Variants in ITGA7 observed in about 807,000 individuals in gnomAD.
ITGA7 encodes integrin alpha-7.
In ITGA7, 84 loss-of-function variants were observed where a neutral mutation model predicts 131.6. The ratio of observed to expected loss-of-function variants is 0.64; its 90% CI spans 0.54 to 0.77. The LOEUF (loss-of-function observed/expected upper bound fraction) is 0.77, where lower values mean the gene tolerates loss of function less well. Ranked by LOEUF, ITGA7 falls within the 30% of genes least tolerant of loss-of-function variation. ITGA7 has a pLI of 0.00. For missense variants in ITGA7, 1,399 were observed against 1,482.9 expected (o/e 0.94, Z 0.93); for synonymous variants, 548 against 600.7 (o/e 0.91, Z 1.28).
At position 55,684,786 on chromosome 12, in the gene ITGA7, C is replaced by T. The variant is rs1053786977; in HGVS notation, c.*272G>A. ...AATGGGAGAGGAAGGGATTAGGATC[C>T]CTTCTCCCCACCTTTGCATCAGGAC... On this transcript the variant is annotated 3_prime_UTR_variant, in exon 25 of 25. Coordinates refer to ENST00000257879, the MANE Select transcript of ITGA7 (RefSeq NM_002206.3). 6.3e-6 allele frequency: 3 copies of T among 479,796 alleles called. No individual in the cohort carries two copies. Among genetic ancestry groups the T allele is most frequent in the African/African-American group, 5.8e-5 (3 of 51,916 alleles). 29.7% of individuals were successfully genotyped at this position (479,796 alleles called of 1,614,324 possible). A position where few individuals can be genotyped will look rare whatever the true frequency, so the allele number is the denominator to read the frequency against.
rs1045615147 is a variant in ITGA7 at position 55,697,499 on chromosome 12, C to T, written c.1457G>A (p.Arg486Gln). Residue 486 changes from arginine to glutamine, a missense_variant, in exon 10 of 25, where the codon CGA becomes CAA. Physicochemically the swap from Arg to Gln is conservative, Grantham distance 43. Coordinates refer to ENST00000257879, the MANE Select transcript of ITGA7 (RefSeq NM_002206.3). ...GTTGGGCTGCTCCAGGTCGATGCTT[C>T]GTGGAGCAATAGAGACCTCATGGGA... is the stretch of plus-strand genomic sequence containing the variant. The part of the protein sequence containing the change: ...HVSHEVSIAP[R>Q]SIDLEQPNCA... 1.2e-6 allele frequency: 2 copies of T among 1,614,126 alleles called. No individual in the cohort carries two copies. The highest frequency in any genetic ancestry group is 1.7e-5 in the Admixed American group (1 of 60,030).
At chr12:55,704,222 G>T (rs970122715) in intron 1 of ITGA7, among the ~76,000 whole-genome samples, 1 of 152,198 alleles carries the variant, frequency 6.6e-6, no homozygotes, top group African/African-American at 2.4e-5. Context: ...CTTCCTGGGG[G>T]GCAAGGCCCA....
Position 55,699,851 on chromosome 12 carries a change from G to C in ITGA7, c.790+19C>G. 6.3e-7 allele frequency: 1 copy of C among 1,594,630 alleles called. No individual in the cohort carries two copies. The highest frequency in any genetic ancestry group is 8.5e-7 in the Non-Finnish European group (1 of 1,171,330). On this transcript the variant is annotated intron_variant, in intron 5 of 24. Transcript: ENST00000257879. ...GCTGGGCCATGCCCCTAGAGTCCAG[G>C]AGGTGGGAGCTTACAAACCTAAGTA...
At chr12:55,715,375 G>A (rs914110596), upstream of ITGA7, among the ~76,000 whole-genome samples, 60 of 152,124 alleles carry the variant, frequency 3.9e-4, no homozygotes, top group African/African-American at 1.4e-3. Flanking sequence ...GCAAGAATAT[G>A]CTCATGATGT....
intron 7 of ITGA7, 117 bp downstream of exon 7, chr12:55,698,266 A>G (rs1186358063): frequency 9.9e-7 from 1 of 1,011,088 alleles, no homozygotes; most frequent in Non-Finnish European, 1.4e-6. Flanking sequence ...GCTCAGACAT[A>G]AGCTCAGGGA....
At chr12:55,702,677 T>C (rs1274077270) in intron 3 of ITGA7, among the ~76,000 whole-genome samples, 195 bp downstream of exon 3, 1 of 152,166 alleles carries the variant, frequency 6.6e-6, no homozygotes, top group Non-Finnish European at 1.5e-5. Context: ...GATGGATGAA[T>C]GAATGGACAG....
chr12:55,697,417 G>A, intron 10 of ITGA7, 34 bp downstream of exon 10: 1 of 1,602,742 alleles, frequency 6.2e-7, no homozygotes, highest in East Asian at 2.2e-5. Flanking sequence ...AGGGGAAGCT[G>A]CCAGGGTCCA....
At chr12:55,700,502 C>G in intron 4 of ITGA7, 3 of 1,331,218 alleles carry the variant, frequency 2.3e-6, no homozygotes, top group South Asian at 2.6e-5. Context: ...TCTTTCTAGC[C>G]CTCTCCCCAC....
rs755438542 is a variant in ITGA7, at chr12:55,694,296, G to C, written c.2392C>G (p.Arg798Gly). 6.2e-7 allele frequency: 1 copy of C among 1,614,010 alleles called. No individual in the cohort carries two copies. Among genetic ancestry groups the C allele is most frequent in the Non-Finnish European group, 8.5e-7 (1 of 1,180,034 alleles). The part of the protein sequence containing the change: ...SEQELHPVSA[R>G]ARVFIELPLS... Reference sequence around the variant, plus strand: ...GGCAGCTCAATGAAGACACGGGCTCGTGCAGAGACTGGATGCAGCTCCTGC... The same window carrying C: ...GGCAGCTCAATGAAGACACGGGCTCCTGCAGAGACTGGATGCAGCTCCTGC... The change falls in exon 18 of 25, where the codon CGA becomes GGA. Residue 798 changes from arginine to glycine, a missense_variant. Physicochemically the swap from Arg to Gly is moderately radical, Grantham distance 125. Transcript: ENST00000257879. This position sits in a 1 kb window ranked among gnomAD's most constrained non-coding sequence, Gnocchi z 5.3.
Position 55,694,915 on chromosome 12 carries a change from G to A in ITGA7, c.2059C>T (p.Leu687=), listed in dbSNP as rs1465867726. Residue 687 remains leucine (L), a synonymous_variant, in exon 15 of 25, where the codon CTG becomes TTG. Coordinates refer to ENST00000257879, the MANE Select transcript of ITGA7 (RefSeq NM_002206.3). This position sits in a 1 kb window ranked among gnomAD's most constrained non-coding sequence, Gnocchi z 5.3. ...FALSGQPVIG[L]ELMVTNLPSD... ...GGCAGGTTGGTGACCATCAGCTCCA[G>A]GCCAATGACTGGCTGCCCACTCAGT... 2 of 1,614,014 alleles carry A rather than the reference G, an allele frequency of 1.2e-6. No individual in the cohort carries two copies. The highest frequency in any genetic ancestry group is 1.7e-6 in the Non-Finnish European group (2 of 1,179,978).
upstream of ITGA7, among the ~76,000 whole-genome samples, chr12:55,711,472 T>A (rs542967959): frequency 7.6e-6 from 1 of 132,378 alleles, no homozygotes; most frequent in East Asian, 2.8e-4. Context: ...AGTGAGACTC[T>A]GCCTCAAAAA....
rs750909465 is a variant in ITGA7, at chr12:55,685,298, C to G, written c.3184-10G>C. The stretch of plus-strand genomic sequence containing the variant: ...GTTTGAAGAATCCCATCTATAAGGA[C>G]ACCAGGCCAGACCATGAGGAGCCTG... On this transcript the variant is annotated splice_polypyrimidine_tract_variant and intron_variant, in intron 24 of 24. Coordinates refer to ENST00000257879, the MANE Select transcript of ITGA7 (RefSeq NM_002206.3). 1.9e-6 allele frequency: 3 copies of G among 1,613,462 alleles called. No homozygotes were observed. The highest frequency in any genetic ancestry group is 8.5e-7 in the Non-Finnish European group (1 of 1,179,638).
chr12:55,702,751 T>C (rs1874329023), intron 3 of ITGA7, 121 bp downstream of exon 3: 3 of 830,808 alleles, frequency 3.6e-6, no homozygotes, highest in Admixed American at 3.9e-5. Flanking sequence ...CCTGATGTAC[T>C]TGGAATCATA....
intron 7 of ITGA7, 84 bp from the exon 8 acceptor site, chr12:55,698,110 G>C: frequency 7.8e-7 from 1 of 1,279,530 alleles, no homozygotes; most frequent in Non-Finnish European, 1.1e-6. Flanking sequence ...CAGTCACTCA[G>C]GTATGTTTTC....
At chr12:55,702,038 G>A (rs1874143690) in intron 3 of ITGA7, among the ~76,000 whole-genome samples, 2 of 152,192 alleles carry the variant, frequency 1.3e-5, no homozygotes, top group African/African-American at 2.4e-5. Context: ...GTTTTGAGAC[G>A]GAACTTTGCT....
At chr12:55,693,886 C>T (rs1202423894) in intron 19 of ITGA7, 135 bp downstream of exon 19, 2 of 736,816 alleles carry the variant, frequency 2.7e-6, no homozygotes, top group Admixed American at 4.1e-5. Context: ...AGCCAAGGTC[C>T]ATATGCAGGA....
chr12:55,695,492 C>A, intron 14 of ITGA7, 30 bp downstream of exon 14: 2 of 1,203,244 alleles, frequency 1.7e-6, no homozygotes, highest in South Asian at 2.4e-5. Flanking sequence ...CTTGCCCTCC[C>A]ACCCCCACCC....
At chr12:55,696,678 G>A (rs1360067234) in intron 12 of ITGA7, among the ~76,000 whole-genome samples, 5 of 152,100 alleles carry the variant, frequency 3.3e-5, no homozygotes. Context: ...GCTGGAAGAG[G>A]GGACATGAAG....
In ITGA7 at chr12:55,690,183, C is replaced by A. The variant is rs1216086641; in HGVS notation, c.2845-1226G>T. Among the ~76,000 whole-genome samples the A allele has an allele frequency of 2.0e-5, 3 of 152,232 alleles. No individual in the cohort carries two copies. In the East Asian group the frequency reaches 5.8e-4, roughly 29 times the overall value. ...AGAAACTATCATCGGAGTGAACAGG[C>A]AACCTACAAAATGGGAGAAAATTTT... On this transcript the variant is annotated intron_variant, in intron 21 of 24. Coordinates refer to ENST00000257879, the MANE Select transcript of ITGA7 (RefSeq NM_002206.3).
Sources: gnomAD v4.1 joint callset for allele counts (sites outside exome capture counted in the v4.1 genomes callset) on GRCh38, gnomAD v4.1.1 for gene constraint, Gnocchi (gnomAD v3.1) non-coding constraint, MANE v1.5 for transcripts, NCBI Gene and HGNC (gene_info 2026-07-23, HGNC 2026-07-21) for gene names.